Variants in PALM2AKAP2 observed in about 807,000 individuals in gnomAD.
PALM2AKAP2 encodes the protein PALM2 and AKAP2 fusion, also known as PALM2-AKAP2 fusion protein.
PALM2AKAP2 carries 37 observed loss-of-function variants against 71.5 expected under a neutral mutation model. That is an observed-to-expected ratio of 0.52 (90% CI 0.40 to 0.68). The LOEUF is 0.68. PALM2AKAP2 is among the 30% of genes least tolerant of loss of function. The pLI, the probability that PALM2AKAP2 is intolerant of heterozygous loss-of-function variation, is 0.00. For missense variants in PALM2AKAP2, 1,224 were observed against 1,191.8 expected (o/e 1.03, Z -0.40); for synonymous variants, 468 against 478.8 (o/e 0.98, Z 0.29).
At chr9:110,014,802 A>AGT (rs1832945595) in intron 6 of PALM2AKAP2, among the ~76,000 whole-genome samples, 10 of 41,456 alleles carry the variant, frequency 2.4e-4, no homozygotes, top group Non-Finnish European at 3.2e-4. Flanking sequence ...AAAAAAAAAA[A>AGT]AATGTATATA....
At chr9:109,731,214 A>C (rs1253067646) in intron 1 of PALM2AKAP2, among the ~76,000 whole-genome samples, 1 of 152,180 alleles carries the variant, frequency 6.6e-6, no homozygotes, top group African/African-American at 2.4e-5. Flanking sequence ...ATTTTTTCCT[A>C]ATGGTTCCAT....
At chr9:110,101,583 A>G (rs1184608932) in intron 1 of PALM2AKAP2, among the ~76,000 whole-genome samples, 2 of 152,154 alleles carry the variant, frequency 1.3e-5, no homozygotes, top group African/African-American at 4.8e-5. Context: ...AACCCAGGCC[A>G]AGGCAGACAA....
chr9:109,797,735 TAAAC>T (rs2131384809), intron 1 of PALM2AKAP2, among the ~76,000 whole-genome samples: 1 of 152,312 alleles, frequency 6.6e-6, no homozygotes, highest in African/African-American at 2.4e-5. Context: ...AATTTCATAA[TAAAC>T]AAACAAAAAT....
At chr9:109,867,499 A>G in exon 2 of PALM2AKAP2, 1 of 1,612,252 alleles carries the variant, frequency 6.2e-7, no homozygotes, top group Non-Finnish European at 8.5e-7. Context: ...AGGAAAAAAG[A>G]AAGAGGCAGA....
exon 4 of PALM2AKAP2, chr9:110,170,439 G>C (rs1490622660): frequency 6.6e-6 from 1 of 152,422 alleles, no homozygotes; most frequent in South Asian, 2.1e-4. Flanking sequence ...ACTTTGGGGG[G>C]GGACATTTAT....
intron 7 of PALM2AKAP2, among the ~76,000 whole-genome samples, chr9:110,023,301 G>GTTTTTTTTT (rs1292412365): frequency 2.0e-5 from 2 of 101,414 alleles, no homozygotes; most frequent in South Asian, 3.3e-4. Context: ...TCTCATTGTG[G>GTTTTTTTTT]TTTCTTTTTT....
intron 1 of PALM2AKAP2, among the ~76,000 whole-genome samples, chr9:109,850,993 C>T (rs927226421): frequency 3.9e-5 from 6 of 151,918 alleles, no homozygotes; most frequent in South Asian, 2.1e-4. Context: ...CTGGCTAACA[C>T]GGTGAAACCC....
chr9:109,657,452 T>TGTG (rs1827323580), intron 1 of PALM2AKAP2, among the ~76,000 whole-genome samples: 1 of 147,106 alleles, frequency 6.8e-6, no homozygotes, highest in South Asian at 2.2e-4. Context: ...AATATGGTAT[T>TGTG]TGTGTGTGTG....
chr9:109,835,607 G>A (rs1006154682), intron 1 of PALM2AKAP2, among the ~76,000 whole-genome samples: 1 of 152,120 alleles, frequency 6.6e-6, no homozygotes, highest in Non-Finnish European at 1.5e-5. Flanking sequence ...AAGCGCAAGG[G>A]GTCAGGGAAT....
chr9:110,069,369 T>G (rs936276417), intron 1 of PALM2AKAP2, among the ~76,000 whole-genome samples: 23 of 152,334 alleles, frequency 1.5e-4, no homozygotes, highest in African/African-American at 4.8e-4. Context: ...TTTTCATTTG[T>G]GTATGCCTGT....
chr9:109,991,488 C>T (rs780610046), intron 6 of PALM2AKAP2, among the ~76,000 whole-genome samples: 1 of 152,130 alleles, frequency 6.6e-6, no homozygotes, highest in Non-Finnish European at 1.5e-5. Flanking sequence ...ATCCTCCTAT[C>T]TTGGCCTCCC....
intron 1 of PALM2AKAP2, among the ~76,000 whole-genome samples, chr9:109,821,602 G>A (rs1828008115): frequency 1.3e-5 from 2 of 152,310 alleles, no homozygotes; most frequent in South Asian, 4.2e-4. Flanking sequence ...GCATGTTTCT[G>A]CCTTCAAGAC....
intron 1 of PALM2AKAP2, among the ~76,000 whole-genome samples, chr9:109,785,550 C>T (rs1288514858): frequency 2.0e-5 from 3 of 152,178 alleles, no homozygotes; most frequent in East Asian, 3.9e-4. Context: ...TATAGTTCCA[C>T]GTGGCTGGGG....
chr9:109,643,156 T>C (rs905087373), intron 1 of PALM2AKAP2, among the ~76,000 whole-genome samples: 1 of 151,854 alleles, frequency 6.6e-6, no homozygotes, highest in Non-Finnish European at 1.5e-5. Flanking sequence ...TGAAGGGCAA[T>C]TGAGAGTAAC....
chr9:109,839,844 A>G (rs1176410533), intron 1 of PALM2AKAP2, among the ~76,000 whole-genome samples: 1 of 152,244 alleles, frequency 6.6e-6, no homozygotes, highest in African/African-American at 2.4e-5. Flanking sequence ...GCTACAAACC[A>G]CTGCTCAACG....
intron 1 of PALM2AKAP2, among the ~76,000 whole-genome samples, chr9:109,672,294 T>G (rs1452002618): frequency 2.0e-5 from 3 of 152,236 alleles, no homozygotes; most frequent in Admixed American, 1.3e-4. Context: ...CCTATTTTAC[T>G]GAGAGTTTTT....
intron 3 of PALM2AKAP2, among the ~76,000 whole-genome samples, chr9:109,905,307 AGGCC>A (rs2131866461): frequency 6.6e-6 from 1 of 152,294 alleles, no homozygotes; most frequent in Non-Finnish European, 1.5e-5. Flanking sequence ...TCAGCCATCG[AGGCC>A]ATTGTCCCTG....
At chr9:109,786,303 A>C (rs1826966583) in intron 1 of PALM2AKAP2, among the ~76,000 whole-genome samples, 1 of 152,186 alleles carries the variant, frequency 6.6e-6, no homozygotes. Flanking sequence ...CCAGCTTCCC[A>C]AGGATCCCTC....
At chr9:110,125,356 A>C in intron 1 of PALM2AKAP2, 1 of 293,322 alleles carries the variant, frequency 3.4e-6, no homozygotes, top group Non-Finnish European at 5.1e-6. Context: ...CTGGCTGGGA[A>C]TGCCGCTGCC....
Sources: allele counts gnomAD v4.1 joint callset (sites outside exome capture counted in the v4.1 genomes callset), GRCh38; gene constraint gnomAD v4.1.1; transcripts MANE v1.5; gene names NCBI Gene and HGNC (gene_info 2026-07-23, HGNC 2026-07-21).